LTBP1: variants seen among roughly 807,000 people sequenced by gnomAD.
The protein encoded by LTBP1 is latent transforming growth factor beta binding protein 1, also known as latent-transforming growth factor beta-binding protein 1.
In LTBP1, 129 loss-of-function variants were observed where a neutral mutation model predicts 207.6. The ratio of observed to expected loss-of-function variants is 0.62; its 90% CI spans 0.54 to 0.72. The LOEUF (loss-of-function observed/expected upper bound fraction) is 0.72. LTBP1 is among the 30% of genes least tolerant of loss of function. LTBP1 has a pLI of 0.00. For synonymous variants in LTBP1, 963 were observed against 833.7 expected (o/e 1.16, Z -2.67); for missense variants, 2,281 against 2,217.2 (o/e 1.03, Z -0.58).
intron 9 of LTBP1, among the ~76,000 whole-genome samples, chr2:33,238,045 A>C (rs1179547660): frequency 3.4e-5 from 4 of 118,664 alleles, no homozygotes; most frequent in Non-Finnish European, 6.7e-5. Flanking sequence ...AAGTTTAAGA[A>C]ATATATATAT....
At chr2:33,271,807 T>C (rs542704890) in intron 15 of LTBP1, among the ~76,000 whole-genome samples, 17 of 152,338 alleles carry the variant, frequency 1.1e-4, no homozygotes, top group Admixed American at 7.2e-4. Context: ...TTTTCCTATC[T>C]TGTTAATGAT....
In LTBP1 at chr2:33,119,700, G is replaced by A. The variant is rs1040366788; in HGVS notation, c.1033+8949G>A. 3.3e-5 allele frequency among the ~76,000 whole-genome samples: 5 copies of A among 152,288 alleles called. 1 individual carries two copies. The highest frequency in any genetic ancestry group is 2.0e-4 in the Admixed American group (3 of 15,298). ...GCTTCCCGAGTAGGCTGGGACTACA[G>A]GCGCCTGCCACCACGCCTGGCTAAT... On this transcript the variant is annotated intron_variant, in intron 4 of 33. Transcript: ENST00000404816.
At position 33,367,912 on chromosome 2, in the gene LTBP1, G is replaced by C. The variant is rs967589366; in HGVS notation, c.4711+2409G>C. The stretch of plus-strand genomic sequence containing the variant: ...TCTATAAAACAGATTCCATGCAGCT[G>C]TTTAAAAATTACCATCTTTTGGCCG... On this transcript the variant is annotated intron_variant, in intron 31 of 33. Coordinates refer to ENST00000404816, the MANE Select transcript of LTBP1 (RefSeq NM_206943.4). Among the ~76,000 whole-genome samples the C allele has an allele frequency of 3.3e-5, 5 of 152,290 alleles. No individual in the cohort carries two copies. In the South Asian group the frequency reaches 1.0e-3, roughly 32 times the overall value.
intron 11 of LTBP1, among the ~76,000 whole-genome samples, chr2:33,253,085 G>A (rs1293829139): frequency 6.6e-6 from 1 of 152,146 alleles, no homozygotes; most frequent in Admixed American, 6.5e-5. Flanking sequence ...ATTAAGAAAA[G>A]CCATTATATT....
At chr2:33,139,660 G>A (rs1270822655) in intron 5 of LTBP1, among the ~76,000 whole-genome samples, 1 of 152,162 alleles carries the variant, frequency 6.6e-6, no homozygotes, top group African/African-American at 2.4e-5. Context: ...TGGACTGAAG[G>A]GAGACGTGGA....
intron 24 of LTBP1, among the ~76,000 whole-genome samples, chr2:33,330,639 TGTG>T (rs1354377632): frequency 6.6e-6 from 1 of 151,928 alleles, no homozygotes; most frequent in Non-Finnish European, 1.5e-5. Context: ...ATTCTGTTAA[TGTG>T]GTGAATTACA....
At chr2:32,947,920 CGG>C in intron 1 of LTBP1, 102 bp downstream of exon 1, 1 of 1,017,588 alleles carries the variant, frequency 9.8e-7, no homozygotes, top group Non-Finnish European at 1.3e-6. Flanking sequence ...GTGGCCAGGG[CGG>C]TCGCGCGCGG....
At chr2:33,063,235 T>A (rs1030947414) in intron 3 of LTBP1, 1 of 152,128 alleles carries the variant, frequency 6.6e-6, no homozygotes, top group Non-Finnish European at 1.5e-5. Flanking sequence ...TTTTTTTAAG[T>A]CTGATGTGAT....
intron 6 of LTBP1, among the ~76,000 whole-genome samples, chr2:33,187,951 T>C (rs968471805): frequency 4.6e-5 from 7 of 152,192 alleles, no homozygotes; most frequent in African/African-American, 1.7e-4. Flanking sequence ...TAACATTTGA[T>C]AAAATTTACC....
intron 2 of LTBP1, among the ~76,000 whole-genome samples, chr2:32,977,304 A>T (rs1388851477): frequency 6.6e-6 from 1 of 152,120 alleles, no homozygotes; most frequent in Non-Finnish European, 1.5e-5. Flanking sequence ...CCTGGCTATG[A>T]GCCGACTGGG....
rs1199436440 is a variant in LTBP1, at chr2:33,398,480, A to T, written c.5101A>T (p.Lys1701Ter). Residue 1701 changes from lysine (K) to a stop codon, truncating the protein, a stop_gained, in exon 34 of 34, where the codon AAG (lysine) becomes TAG (stop). Transcript: ENST00000404816. LOFTEE classifies it high-confidence loss of function. ...TCTGCCAGGCTACGTGCCTTCTGAC[A>T]AGCCAAACTACTGCACTCCGTTGAA... ...LCLPGYVPSD[K>*]PNYCTPLNTA... 1 of 1,614,124 alleles carries T rather than the reference A, an allele frequency of 6.2e-7. No homozygotes were observed. The highest frequency in any genetic ancestry group is 8.5e-7 in the Non-Finnish European group (1 of 1,180,044).
chr2:33,013,533 C>T (rs1687951573), intron 2 of LTBP1, among the ~76,000 whole-genome samples: 1 of 151,526 alleles, frequency 6.6e-6, no homozygotes, highest in Admixed American at 6.6e-5. Flanking sequence ...TGCTTATATA[C>T]ACTAAACTGT....
intron 3 of LTBP1, among the ~76,000 whole-genome samples, chr2:33,092,613 A>T (rs2079165457): frequency 1.4e-5 from 2 of 145,582 alleles, no homozygotes; most frequent in South Asian, 4.8e-4. Context: ...TCTTGGAAGG[A>T]ATAAATACTG....
In LTBP1 at chr2:33,301,644, G is replaced by A; in HGVS notation, c.3481G>A (p.Asp1161Asn). The change falls in exon 22 of 34, where the codon GAT becomes AAT. Residue 1161 changes from aspartate to asparagine, a missense_variant and splice_region_variant. Coordinates refer to ENST00000404816, the MANE Select transcript of LTBP1 (RefSeq NM_206943.4). The stretch of plus-strand genomic sequence containing the variant: ...ATCTGGGCTTGGAGACCACTGTGAA[G>A]GTAAGAATTGCTCCTGATTTCAGAA... ...RASGLGDHCE[D>N]INECLEDKSV... The A allele has an allele frequency of 6.3e-7, 1 of 1,585,104 alleles. No individual in the cohort carries two copies. Among genetic ancestry groups the A allele is most frequent in the Non-Finnish European group, 8.5e-7 (1 of 1,169,728 alleles).
At chr2:32,966,136 G>A (rs536577664) in intron 2 of LTBP1, among the ~76,000 whole-genome samples, 13 of 152,024 alleles carry the variant, frequency 8.6e-5, no homozygotes, top group Non-Finnish European at 8.8e-5. Flanking sequence ...GCTTTTTTTG[G>A]TAAGGTATTT....
chr2:33,072,907 AG>A (rs1439670756), intron 3 of LTBP1, among the ~76,000 whole-genome samples: 5 of 152,272 alleles, frequency 3.3e-5, no homozygotes, highest in South Asian at 2.1e-4. Context: ...ACCACTTCAG[AG>A]GGGGCGAGGA....
rs907331675 is a variant in LTBP1, at chr2:33,309,356, CT to C, written c.3482-75del. On this transcript the variant is annotated intron_variant, in intron 22 of 33. Coordinates refer to ENST00000404816, the MANE Select transcript of LTBP1 (RefSeq NM_206943.4). The stretch of plus-strand genomic sequence containing the variant: ...TTATAAATGATGTAAAATAGTGTAC[CT>C]TTACATGTAAGAGAAATGTCTAATT... 6.4e-5 allele frequency: 61 copies of C among 953,526 alleles called. No individual in the cohort carries two copies. The African/African-American group carries it at 8.9e-4, about 14-fold the overall frequency. The allele number at this position is 953,526 out of a possible 1,614,324, so 59.1% of individuals were successfully genotyped here.
At chr2:33,051,998 G>C (rs908336974) in intron 3 of LTBP1, among the ~76,000 whole-genome samples, 6 of 152,226 alleles carry the variant, frequency 3.9e-5, no homozygotes, top group Non-Finnish European at 8.8e-5. Flanking sequence ...TGTGTGCAAA[G>C]CTGGGAGTCA....
At chr2:33,358,218 AC>A (rs1399415551) in intron 26 of LTBP1, among the ~76,000 whole-genome samples, 4 of 152,064 alleles carry the variant, frequency 2.6e-5, no homozygotes, top group African/African-American at 4.8e-5. Context: ...TAAGACCAAA[AC>A]TTATAACAAC....
Sources: allele counts gnomAD v4.1 joint callset (sites outside exome capture counted in the v4.1 genomes callset), GRCh38; gene constraint gnomAD v4.1.1; transcripts MANE v1.5; gene names NCBI Gene and HGNC (gene_info 2026-07-23, HGNC 2026-07-21).